Variants in REV3L observed in about 807,000 individuals in gnomAD.
The protein encoded by REV3L is DNA polymerase zeta catalytic subunit.
In REV3L, 69 loss-of-function variants were observed where a neutral mutation model predicts 299.4. That is an observed-to-expected ratio of 0.23 (90% CI 0.19 to 0.28). REV3L has a LOEUF of 0.28. Among genes scored for constraint, REV3L ranks in the 10% least tolerant of loss-of-function variants. REV3L has a pLI of 1.00. For synonymous variants in REV3L, 1,238 were observed against 1,271.4 expected, an observed-to-expected ratio of 0.97 and a Z score of 0.56; for missense variants, 3,128 against 3,693.8, an observed-to-expected ratio of 0.85 and a Z score of 3.97.
intron 25 of REV3L, among the ~76,000 whole-genome samples, chr6:111,324,646 AG>A (rs1453914172): frequency 6.6e-6 from 1 of 152,214 alleles, no homozygotes; most frequent in Non-Finnish European, 1.5e-5. Flanking sequence ...AGAACTCTGC[AG>A]TTACCCCTGA....
intron 1 of REV3L, among the ~76,000 whole-genome samples, chr6:111,453,084 C>G (rs1789746583): frequency 6.6e-6 from 1 of 152,022 alleles, no homozygotes; most frequent in Non-Finnish European, 1.5e-5. Flanking sequence ...CTTCATCAAT[C>G]CAAAATATCA....
intron 14 of REV3L, 121 bp from the exon 15 acceptor site, chr6:111,365,465 C>T (rs1019997964): frequency 9.1e-6 from 4 of 437,828 alleles, no homozygotes; most frequent in South Asian, 1.1e-4. Context: ...TATGAATTCC[C>T]CCCAGAATTT....
chr6:111,481,899 G>A (rs1175758114), intron 1 of REV3L, among the ~76,000 whole-genome samples: 1 of 152,098 alleles, frequency 6.6e-6, no homozygotes, highest in Non-Finnish European at 1.5e-5. Context: ...ACATAGTTGT[G>A]TTTAAAAAAT....
At chr6:111,457,952 A>G (rs1790337536) in intron 1 of REV3L, among the ~76,000 whole-genome samples, 3 of 152,060 alleles carry the variant, frequency 2.0e-5, no homozygotes, top group African/African-American at 7.2e-5. Flanking sequence ...AAGACGGCCA[A>G]AAGAAAAATA....
Position 111,367,051 on chromosome 6 carries a change from A to G in REV3L, c.6673+64T>C. ...AAGCTCTGATTTTCATTACAGTCTA[A>G]TGTTATCTTCATTTCTATTTCTGAA... On this transcript the variant is annotated intron_variant, in intron 14 of 31. Coordinates refer to ENST00000368802, the MANE Select transcript of REV3L (RefSeq NM_001372078.1). The G allele has an allele frequency of 2.3e-6, 3 of 1,325,816 alleles. No homozygotes were observed. In the South Asian group the frequency reaches 4.5e-5, roughly 20 times the overall value. The allele number at this position is 1,325,816 out of a possible 1,614,324, so 82.1% of individuals were successfully genotyped here. A position where few individuals can be genotyped will look rare whatever the true frequency, so the allele number is the denominator to read the frequency against.
intron 1 of REV3L, among the ~76,000 whole-genome samples, chr6:111,464,394 A>G (rs986278295): frequency 2.6e-5 from 4 of 152,242 alleles, no homozygotes; most frequent in Middle Eastern, 3.2e-3. Context: ...GCCCTTGTTC[A>G]TAGATAGGTA....
chr6:111,315,303 A>G lies in REV3L; in HGVS notation c.8430T>C (p.Ala2810=). Residue 2810 remains alanine, a synonymous_variant, in exon 27 of 32, where the codon GCT becomes GCC. Transcript: ENST00000368802. ...IGQEIAEAVT[A]TNPKPVKLKF... ...TCAATTTCACTGGTTTAGGATTGGTAGCAGTTACAGCTTCGGCAATTTCCT... is the reference window on the plus strand; with the variant it reads ...TCAATTTCACTGGTTTAGGATTGGTGGCAGTTACAGCTTCGGCAATTTCCT... The G allele has an allele frequency of 6.2e-7, 1 of 1,614,110 alleles. No individual in the cohort carries two copies. The highest frequency in any genetic ancestry group is 1.3e-5 in the African/African-American group (1 of 75,058).
intron 16 of REV3L, among the ~76,000 whole-genome samples, chr6:111,362,993 C>T (rs556261253): frequency 2.6e-5 from 4 of 152,184 alleles, no homozygotes; most frequent in Non-Finnish European, 5.9e-5. Flanking sequence ...TATCTTACTG[C>T]CAGTCAGATA....
At chr6:111,301,905 C>T (rs368882266) in intron 31 of REV3L, among the ~76,000 whole-genome samples, 17 of 152,024 alleles carry the variant, frequency 1.1e-4, no homozygotes, top group East Asian at 7.7e-4. Flanking sequence ...AAATGCAGGC[C>T]GACTTTCACC....
At chr6:111,423,614 C>T (rs555675343) in intron 1 of REV3L, among the ~76,000 whole-genome samples, 8 of 152,080 alleles carry the variant, frequency 5.3e-5, no homozygotes, top group African/African-American at 1.9e-4. Context: ...TGTACAGATT[C>T]GCATTTTATA....
At chr6:111,394,892 A>C (rs1782328691) in intron 4 of REV3L, among the ~76,000 whole-genome samples, 1 of 151,754 alleles carries the variant, frequency 6.6e-6, no homozygotes, top group Non-Finnish European at 1.5e-5. Flanking sequence ...GGCTTTGACT[A>C]TCTTGCACAG....
chr6:111,388,688 C>A (rs1164101534), intron 7 of REV3L, among the ~76,000 whole-genome samples: 1 of 152,122 alleles, frequency 6.6e-6, no homozygotes, highest in East Asian at 1.9e-4. Flanking sequence ...ATGACATACT[C>A]AGAAAATAAA....
intron 9 of REV3L, among the ~76,000 whole-genome samples, chr6:111,382,206 A>C (rs946619586): frequency 1.3e-5 from 2 of 152,204 alleles, no homozygotes; most frequent in African/African-American, 4.8e-5. Context: ...AAGGAACACC[A>C]AACTGAACTA....
chr6:111,310,176 TA>T, intron 29 of REV3L, 77 bp from the exon 30 acceptor site: 1 of 1,433,872 alleles, frequency 7.0e-7, no homozygotes, highest in East Asian at 2.4e-5. Flanking sequence ...AAGTCAGAAT[TA>T]AACAATAATA....
chr6:111,447,043 T>A (rs555056023), intron 1 of REV3L, among the ~76,000 whole-genome samples: 17 of 152,334 alleles, frequency 1.1e-4, no homozygotes, highest in African/African-American at 3.8e-4. Context: ...TGGTATTTCC[T>A]GAGCTTCGGT....
intron 25 of REV3L, among the ~76,000 whole-genome samples, chr6:111,326,546 C>A (rs915604340): frequency 1.3e-5 from 2 of 151,724 alleles, no homozygotes; most frequent in African/African-American, 4.8e-5. Context: ...ATATAGGATG[C>A]TGCAAAAATC....
At position 111,388,095 on chromosome 6, in the gene REV3L, T is replaced by G; in HGVS notation, c.863-10A>C. ...GGCACAAACCTGTGATCTTTGAATT[T>G]TAAAAGTGCATTAAAAAATGTAAAT... On this transcript the variant is annotated splice_polypyrimidine_tract_variant and intron_variant, in intron 7 of 31. Transcript: ENST00000368802. 1 of 1,574,646 alleles carries G rather than the reference T, an allele frequency of 6.4e-7. No homozygotes were observed. The highest frequency in any genetic ancestry group is 8.7e-7 in the Non-Finnish European group (1 of 1,153,522).
Position 111,299,638 on chromosome 6 carries a change from G to C in REV3L, c.*378C>G, listed in dbSNP as rs187701564. On this transcript the variant is annotated 3_prime_UTR_variant, in exon 32 of 32. Coordinates refer to ENST00000368802, the MANE Select transcript of REV3L (RefSeq NM_001372078.1). ...GTGAATGGATATCTCGAAGTAACAC[G>C]TCTTGATACAGACAGTTCAAGGAAA... is the stretch of plus-strand genomic sequence containing the variant. The C allele has an allele frequency of 1.9e-5, 3 of 155,946 alleles. No individual in the cohort carries two copies. The highest frequency in any genetic ancestry group is 7.2e-5 in the African/African-American group (3 of 41,592). The allele number at this position is 155,946 out of a possible 1,614,324, so 9.7% of individuals were successfully genotyped here.
intron 28 of REV3L, chr6:111,312,591 C>T (rs981125237): frequency 6.6e-6 from 1 of 152,216 alleles, no homozygotes; most frequent in African/African-American, 2.4e-5. Flanking sequence ...TGGAGTCTCA[C>T]TCTCTTGCCC....
Sources: allele counts gnomAD v4.1 joint callset (sites outside exome capture counted in the v4.1 genomes callset), GRCh38; gene constraint gnomAD v4.1.1; transcripts MANE v1.5; gene names NCBI Gene and HGNC (gene_info 2026-07-23, HGNC 2026-07-21).